The following OSBPL8 variants were observed in gnomAD, a reference collection of about 807,000 sequenced individuals.
OSBPL8 encodes oxysterol-binding protein-related protein 8.
Under a neutral mutation model 125.5 loss-of-function variants are expected in OSBPL8, and 59 were observed. The observed-to-expected ratio is 0.47, with a 90% confidence interval of 0.38 to 0.58. OSBPL8 has a LOEUF of 0.58. Among genes scored for constraint, OSBPL8 ranks in the 20% least tolerant of loss-of-function variants. The pLI, the probability that OSBPL8 is intolerant of heterozygous loss-of-function variation, is 0.00. For missense variants in OSBPL8, 758 were observed against 1,047.8 expected (o/e 0.72, Z 3.82); for synonymous variants, 330 against 338.9 (o/e 0.97, Z 0.29).
In OSBPL8 at chr12:76,492,626, C is replaced by T. The variant is rs577085711; in HGVS notation, c.-67-5008G>A. 2.0e-4 allele frequency among the ~76,000 whole-genome samples: 31 copies of T among 152,300 alleles called. No homozygotes were observed. In the East Asian group the frequency reaches 4.1e-3, roughly 20 times the overall value. The stretch of plus-strand genomic sequence containing the variant: ...TTAGATTCTCATAGGAGCATGAACA[C>T]TATTGTGAACTGTGCACACGAAGAA... On this transcript the variant is annotated intron_variant, in intron 1 of 23. Coordinates refer to ENST00000261183, the MANE Select transcript of OSBPL8 (RefSeq NM_020841.5).
chr12:76,523,839 T>C (rs185077431), intron 1 of OSBPL8, among the ~76,000 whole-genome samples: 1 of 152,326 alleles, frequency 6.6e-6, no homozygotes, highest in African/African-American at 2.4e-5. Flanking sequence ...TAGACATCCA[T>C]GTACTCACTT....
chr12:76,552,110 G>A (rs17042354), intron 1 of OSBPL8, among the ~76,000 whole-genome samples: 1 of 151,962 alleles, frequency 6.6e-6, no homozygotes, highest in African/African-American at 2.4e-5. Flanking sequence ...ACAACAAATT[G>A]ATTTCTATTC....
chr12:76,492,835 C>T (rs1878864039), intron 1 of OSBPL8, among the ~76,000 whole-genome samples: 1 of 152,056 alleles, frequency 6.6e-6, no homozygotes, highest in Non-Finnish European at 1.5e-5. Flanking sequence ...TTGAATCATC[C>T]TGAAACCATC....
At chr12:76,518,341 C>T (rs1881751166) in intron 1 of OSBPL8, among the ~76,000 whole-genome samples, 1 of 152,176 alleles carries the variant, frequency 6.6e-6, no homozygotes, top group South Asian at 2.1e-4. Flanking sequence ...GGGTGGGCTC[C>T]CAAGGCCTTG....
intron 2 of OSBPL8, among the ~76,000 whole-genome samples, chr12:76,463,391 T>C (rs1271404824): frequency 6.6e-6 from 1 of 152,136 alleles, no homozygotes. Context: ...GGAAGAAATA[T>C]AAGGAACTCA....
intron 1 of OSBPL8, among the ~76,000 whole-genome samples, chr12:76,517,500 T>C (rs1411039683): frequency 3.3e-5 from 5 of 152,182 alleles, no homozygotes; most frequent in African/African-American, 1.2e-4. Flanking sequence ...ATCTCGTACA[T>C]ATATATAAAA....
chr12:76,534,358 G>C (rs1185950509), intron 1 of OSBPL8: 1 of 152,146 alleles, frequency 6.6e-6, no homozygotes, highest in Non-Finnish European at 1.5e-5. Context: ...TTCCTGTCAA[G>C]TATCAGACGT....
At chr12:76,374,958 T>G (rs910176544) in intron 17 of OSBPL8, among the ~76,000 whole-genome samples, 7 of 152,194 alleles carry the variant, frequency 4.6e-5, no homozygotes, top group African/African-American at 1.4e-4. Context: ...AACAATCCTT[T>G]AATTTACTAA....
At chr12:76,451,927 T>C (rs1361440013) in intron 3 of OSBPL8, among the ~76,000 whole-genome samples, 1 of 152,294 alleles carries the variant, frequency 6.6e-6, no homozygotes, top group East Asian at 1.9e-4. Context: ...GAGACCATCC[T>C]GGCCAACGTG....
chr12:76,540,482 A>G (rs1020061113), intron 1 of OSBPL8, among the ~76,000 whole-genome samples: 1 of 139,382 alleles, frequency 7.2e-6, no homozygotes, highest in African/African-American at 2.8e-5. Flanking sequence ...AAAAAATTAT[A>G]TAGTCGTGTG....
Position 76,386,206 on chromosome 12 carries a change from GA to G in OSBPL8, c.1494del (p.Arg500GlufsTer52). ...TAAAAAGTTTTGCTGTTTGTTCTGG[GA>G]TGAATCCATAAACAACGGAAAGTCT... ...LGETFRCLWI[H>X]PRTNSKTFYI... On this transcript the variant is annotated frameshift_variant, in exon 14 of 24. Coordinates refer to ENST00000261183, the MANE Select transcript of OSBPL8 (RefSeq NM_020841.5). LOFTEE classifies it high-confidence loss of function. 1 of 1,610,588 alleles carries G rather than the reference GA, an allele frequency of 6.2e-7. No homozygotes were observed. The highest frequency in any genetic ancestry group is 8.5e-7 in the Non-Finnish European group (1 of 1,178,782).
At chr12:76,470,382 T>G (rs560717607) in intron 2 of OSBPL8, among the ~76,000 whole-genome samples, 2 of 152,186 alleles carry the variant, frequency 1.3e-5, no homozygotes, top group Non-Finnish European at 2.9e-5. Context: ...GAAACCATAT[T>G]ATCACATCAT....
intron 4 of OSBPL8, among the ~76,000 whole-genome samples, chr12:76,418,689 G>A (rs1048506005): frequency 4.0e-5 from 6 of 151,790 alleles, no homozygotes; most frequent in South Asian, 2.1e-4. Context: ...AAAATTAGCC[G>A]GGTGTGGTAG....
intron 4 of OSBPL8, among the ~76,000 whole-genome samples, chr12:76,428,562 A>C (rs1361174812): frequency 2.6e-5 from 4 of 152,148 alleles, no homozygotes; most frequent in Non-Finnish European, 5.9e-5. Flanking sequence ...TTTATCTTGA[A>C]TCTCAAGATA....
rs536964662 is a variant in OSBPL8, at chr12:76,402,602, A to G, written c.366+87T>C. On this transcript the variant is annotated intron_variant, in intron 6 of 23. Transcript: ENST00000261183. Reference sequence around the variant, plus strand: ...ATGTTTTTTCTTTCTTTAGGAACACACATATATATTTATCCTATTAGTCTA... The same window carrying G: ...ATGTTTTTTCTTTCTTTAGGAACACGCATATATATTTATCCTATTAGTCTA... 2.6e-5 allele frequency: 24 copies of G among 924,574 alleles called. 1 individual carries two copies. In the South Asian group the frequency reaches 2.9e-4, roughly 11 times the overall value. The allele number at this position is 924,574 out of a possible 1,614,324, so 57.3% of individuals were successfully genotyped here. A position where few individuals can be genotyped will look rare whatever the true frequency, so the allele number is the denominator to read the frequency against.
Position 76,538,740 on chromosome 12 carries a change from G to A in OSBPL8, c.-68+20657C>T, listed in dbSNP as rs569415598. 3.4e-4 allele frequency among the ~76,000 whole-genome samples: 52 copies of A among 152,124 alleles called. No homozygotes were observed. In the South Asian group the frequency reaches 0.011, roughly 31 times the overall value. ...AGGCAGGCAGATCACTAGAGGTCAG[G>A]AGTTTGAGACCAGCCTGGCCAACAC... On this transcript the variant is annotated intron_variant, in intron 1 of 23. Coordinates refer to ENST00000261183, the MANE Select transcript of OSBPL8 (RefSeq NM_020841.5).
intron 2 of OSBPL8, among the ~76,000 whole-genome samples, chr12:76,482,186 T>A (rs1425292427): frequency 1.3e-5 from 2 of 152,256 alleles, no homozygotes; most frequent in Non-Finnish European, 2.9e-5. Context: ...ACATATTTTT[T>A]AAATTGTTGC....
chr12:76,358,863 G>C, intron 21 of OSBPL8, 52 bp from the exon 22 acceptor site: 1 of 1,360,680 alleles, frequency 7.3e-7, no homozygotes, highest in Non-Finnish European at 1.1e-6. Context: ...TTGGACTAAA[G>C]ACCAACTGTG....
chr12:76,405,745 G>A (rs1000278620), intron 5 of OSBPL8, among the ~76,000 whole-genome samples: 1 of 152,180 alleles, frequency 6.6e-6, no homozygotes, highest in Admixed American at 6.5e-5. Context: ...AAATGTAAAC[G>A]ATTTTTTTGT....
Sources: gnomAD v4.1 joint callset for allele counts (sites outside exome capture counted in the v4.1 genomes callset) on GRCh38, gnomAD v4.1.1 for gene constraint, MANE v1.5 for transcripts, NCBI Gene and HGNC (gene_info 2026-07-23, HGNC 2026-07-21) for gene names.